PHLDB2: variants seen among roughly 807,000 people sequenced by gnomAD.
The protein encoded by PHLDB2 is pleckstrin homology like domain family B member 2.
Under a neutral mutation model 123.6 loss-of-function variants are expected in PHLDB2, and 71 were observed. That is an observed-to-expected ratio of 0.57 (90% CI 0.47 to 0.70). The LOEUF is 0.70. Ranked by LOEUF, PHLDB2 falls within the 30% of genes least tolerant of loss-of-function variation. The pLI, the probability that PHLDB2 is intolerant of heterozygous loss-of-function variation, is 0.00. For missense variants in PHLDB2, 1,446 were observed against 1,519.5 expected (o/e 0.95, Z 0.80); for synonymous variants, 547 against 541.6 (o/e 1.01, Z -0.14).
At chr3:111,970,337 C>T (rs758216970) in intron 16 of PHLDB2, among the ~76,000 whole-genome samples, 6 of 151,816 alleles carry the variant, frequency 4.0e-5, no homozygotes. Context: ...AGGGTGGGAT[C>T]AGAAAAAATA....
chr3:111,841,367 T>C (rs773669572), intron 1 of PHLDB2, among the ~76,000 whole-genome samples: 10 of 152,030 alleles, frequency 6.6e-5, no homozygotes, highest in Non-Finnish European at 8.8e-5. Context: ...TGTAAAGGAA[T>C]GAAAAAGGAA....
chr3:111,899,014 C>A (rs10934122), intron 2 of PHLDB2, among the ~76,000 whole-genome samples: 70,053 of 152,042 alleles, frequency 0.46, 17,485 homozygotes, highest in East Asian at 0.66. Flanking sequence ...GGCATCGAAA[C>A]TGGTGAATTC....
intron 2 of PHLDB2, among the ~76,000 whole-genome samples, chr3:111,902,169 G>A: frequency 6.6e-6 from 1 of 152,160 alleles, no homozygotes; most frequent in East Asian, 1.9e-4. Context: ...TGTGGTCAGA[G>A]ATTTACTTGC....
chr3:111,885,024 C>T lies in PHLDB2; in HGVS notation c.947C>T (p.Thr316Ile). ...SLSSGALPYKTSASEGNPYVS... is the reference protein window; with the variant it reads ...SLSSGALPYKISASEGNPYVS... ...AGCTCAGGGGCTTTACCCTATAAAA[C>T]CTCTGCTTCTGAAGGCAATCCTTAT... Residue 316 changes from threonine to isoleucine, a missense_variant, in exon 2 of 18, where the codon ACC (threonine) becomes ATC (isoleucine). Thr to Ile is a moderately conservative substitution (Grantham distance 89, BLOSUM62 -1). Coordinates refer to ENST00000431670, the MANE Select transcript of PHLDB2 (RefSeq NM_001134438.2). 1.2e-6 allele frequency: 2 copies of T among 1,614,184 alleles called. No homozygotes were observed. The highest frequency in any genetic ancestry group is 1.7e-6 in the Non-Finnish European group (2 of 1,180,022).
At chr3:111,934,206 T>C (rs1266978967) in intron 6 of PHLDB2, among the ~76,000 whole-genome samples, 2 of 152,190 alleles carry the variant, frequency 1.3e-5, no homozygotes, top group Admixed American at 1.3e-4. Context: ...CAGTTCACCT[T>C]ATATTAAGAG....
upstream of PHLDB2, among the ~76,000 whole-genome samples, chr3:111,857,476 A>AAAAGAAAAG (rs10687404): frequency 3.4e-5 from 5 of 146,438 alleles, no homozygotes; most frequent in Non-Finnish European, 7.4e-5. Flanking sequence ...AAAAGAAAAG[A>AAAAGAAAAG]AAAAAAAATT....
intron 2 of PHLDB2, among the ~76,000 whole-genome samples, chr3:111,894,405 T>C (rs1338789238): frequency 6.6e-6 from 1 of 151,912 alleles, no homozygotes; most frequent in Non-Finnish European, 1.5e-5. Context: ...GCATGATTTA[T>C]AGTCCTTTGG....
chr3:111,892,380 T>C (rs1272368428), intron 2 of PHLDB2, among the ~76,000 whole-genome samples: 1 of 152,220 alleles, frequency 6.6e-6, no homozygotes, highest in Non-Finnish European at 1.5e-5. Flanking sequence ...CCTATCTTGC[T>C]CACCACTATA....
intron 7 of PHLDB2, 37 bp downstream of exon 7, chr3:111,939,667 A>G (rs2272289): frequency 0.16 from 258,264 of 1,577,964 alleles, 22,811 homozygotes; most frequent in Non-Finnish European, 0.18. Context: ...TGAAAAATCA[A>G]AATATATTTC....
At chr3:111,792,308 A>T (rs2060961562) in intron 1 of PHLDB2, among the ~76,000 whole-genome samples, 1 of 152,214 alleles carries the variant, frequency 6.6e-6, no homozygotes, top group African/African-American at 2.4e-5. Flanking sequence ...TTCTTATATA[A>T]AAGAGAAAGC....
chr3:111,933,871 A>G (rs183006135), intron 6 of PHLDB2, among the ~76,000 whole-genome samples: 2 of 152,288 alleles, frequency 1.3e-5, no homozygotes, highest in East Asian at 3.9e-4. Flanking sequence ...TCAGCAGCAT[A>G]GTTGTATATT....
Position 111,745,754 on chromosome 3 carries a change from C to T in PHLDB2, c.-49+13051C>T, listed in dbSNP as rs2059669932. 2.0e-5 allele frequency among the ~76,000 whole-genome samples: 3 copies of T among 149,372 alleles called. No homozygotes were observed. The Admixed American group carries it at 2.0e-4, about 10-fold the overall frequency. On this transcript the variant is annotated intron_variant, in intron 1 of 17. Transcript: ENST00000393923. ...TCCGGCCTGGGCAACAGAGCAAGACCTTGAAAACAAAAACAAAAAAAGAAA... is the reference window on the plus strand; with the variant it reads ...TCCGGCCTGGGCAACAGAGCAAGACTTTGAAAACAAAAACAAAAAAAGAAA...
chr3:111,749,602 A>C (rs1576503232), intron 1 of PHLDB2, among the ~76,000 whole-genome samples: 1 of 152,366 alleles, frequency 6.6e-6, no homozygotes, highest in East Asian at 1.9e-4. Context: ...AATCCAGATC[A>C]AACTGCTATA....
chr3:111,932,239 C>A, intron 5 of PHLDB2, 30 bp from the exon 6 acceptor site: 1 of 1,547,484 alleles, frequency 6.5e-7, no homozygotes, highest in Non-Finnish European at 8.7e-7. Context: ...AAGGTAATTT[C>A]TATTCTATTT....
At chr3:111,794,031 G>A (rs2061040174) in intron 1 of PHLDB2, among the ~76,000 whole-genome samples, 2 of 151,944 alleles carry the variant, frequency 1.3e-5, no homozygotes, top group Non-Finnish European at 2.9e-5. Context: ...TCACTAGGTT[G>A]TGTGTACCCC....
intron 1 of PHLDB2, among the ~76,000 whole-genome samples, chr3:111,786,192 A>C (rs2060672782): frequency 6.6e-6 from 1 of 152,184 alleles, no homozygotes; most frequent in African/African-American, 2.4e-5. Flanking sequence ...AATCATCCCT[A>C]GATTACTTCT....
At chr3:111,827,187 TA>T (rs2062696412) in intron 1 of PHLDB2, among the ~76,000 whole-genome samples, 1 of 152,344 alleles carries the variant, frequency 6.6e-6, no homozygotes, top group South Asian at 2.1e-4. Flanking sequence ...CTGACTTATT[TA>T]AGACAGAAAT....
chr3:111,807,839 C>T (rs2061659798), intron 1 of PHLDB2, among the ~76,000 whole-genome samples: 1 of 151,904 alleles, frequency 6.6e-6, no homozygotes, highest in South Asian at 2.1e-4. Flanking sequence ...ATGAATCTCA[C>T]AGATTTAAGA....
chr3:111,785,141 CA>C (rs2108139628), intron 1 of PHLDB2, among the ~76,000 whole-genome samples: 1 of 152,118 alleles, frequency 6.6e-6, no homozygotes, highest in African/African-American at 2.4e-5. Flanking sequence ...TCATTTTTAG[CA>C]GTTTAATTTT....
Sources: gnomAD v4.1 joint callset for allele counts (sites outside exome capture counted in the v4.1 genomes callset) on GRCh38, gnomAD v4.1.1 for gene constraint, MANE v1.5 for transcripts, NCBI Gene and HGNC (gene_info 2026-07-23, HGNC 2026-07-21) for gene names.